Variants in ST3GAL3 observed in about 807,000 individuals in gnomAD.
ST3GAL3 encodes ST3 beta-galactoside alpha-2,3-sialyltransferase 3.
In ST3GAL3, 21 loss-of-function variants were observed where a neutral mutation model predicts 50.1. The ratio of observed to expected loss-of-function variants is 0.42; its 90% CI spans 0.30 to 0.60. The LOEUF (loss-of-function observed/expected upper bound fraction) is 0.60, where lower values mean the gene tolerates loss of function less well. Among genes scored for constraint, ST3GAL3 ranks in the 20% least tolerant of loss-of-function variants. The pLI is 0.19. For missense variants in ST3GAL3, 353 were observed against 489.4 expected, an observed-to-expected ratio of 0.72 and a Z score of 2.63; for synonymous variants, 183 against 190.0, an observed-to-expected ratio of 0.96 and a Z score of 0.30.
chr1:43,895,907 G>A (rs2077324768), intron 6 of ST3GAL3, among the ~76,000 whole-genome samples: 1 of 152,184 alleles, frequency 6.6e-6, no homozygotes. Context: ...CTGCTAATGT[G>A]TGCTCTTTCT....
intron 4 of ST3GAL3, among the ~76,000 whole-genome samples, chr1:43,816,820 C>T (rs1035255831): frequency 1.3e-5 from 2 of 152,200 alleles, no homozygotes; most frequent in African/African-American, 4.8e-5. Flanking sequence ...TTTGATTTAA[C>T]TCACAATCTA....
At chr1:43,923,319 C>T (rs2083382355) in intron 11 of ST3GAL3, among the ~76,000 whole-genome samples, 1 of 150,784 alleles carries the variant, frequency 6.6e-6, no homozygotes, top group Non-Finnish European at 1.5e-5. Flanking sequence ...GCCTTCTCTT[C>T]TCACTCTGCA....
intron 5 of ST3GAL3, among the ~76,000 whole-genome samples, chr1:43,856,711 C>G (rs1414648420): frequency 1.3e-5 from 2 of 152,178 alleles, no homozygotes; most frequent in Non-Finnish European, 2.9e-5. Flanking sequence ...TCTCTGCCCA[C>G]CAATTTTTTT....
chr1:43,815,216 G>C (rs1170311290), intron 4 of ST3GAL3, among the ~76,000 whole-genome samples: 1 of 152,164 alleles, frequency 6.6e-6, no homozygotes, highest in African/African-American at 2.4e-5. Flanking sequence ...GAGTCTCCTG[G>C]AAAGGCTTCT....
intron 9 of ST3GAL3, 124 bp from the exon 10 acceptor site, chr1:43,920,280 C>T: frequency 8.4e-7 from 1 of 1,187,868 alleles, no homozygotes; most frequent in Non-Finnish European, 1.2e-6. Context: ...CACCACAGGC[C>T]CTGGGTTCCC....
At chr1:43,891,862 G>A (rs566065941) in intron 5 of ST3GAL3, among the ~76,000 whole-genome samples, 33 of 152,328 alleles carry the variant, frequency 2.2e-4, no homozygotes, top group African/African-American at 7.0e-4. Flanking sequence ...GGATCTAGGC[G>A]GTGATCCTCA....
At chr1:43,814,862 C>T (rs2061041757) in intron 3 of ST3GAL3, 29 bp from the exon 4 acceptor site, 1 of 1,613,300 alleles carries the variant, frequency 6.2e-7, no homozygotes, top group South Asian at 1.1e-5. Context: ...GACTTGACTT[C>T]AGTGACATTT....
At chr1:43,729,574 A>G (rs1040706418) in intron 1 of ST3GAL3, among the ~76,000 whole-genome samples, 2 of 152,104 alleles carry the variant, frequency 1.3e-5, no homozygotes, top group Non-Finnish European at 2.9e-5. Context: ...GACCCCTCAC[A>G]TGGACTAATG....
chr1:43,824,549 A>G (rs578094885), intron 4 of ST3GAL3, among the ~76,000 whole-genome samples: 1 of 152,306 alleles, frequency 6.6e-6, no homozygotes, highest in East Asian at 1.9e-4. Flanking sequence ...TGTCTCTTCT[A>G]TAGCTAGCAC....
intron 2 of ST3GAL3, among the ~76,000 whole-genome samples, chr1:43,786,422 A>G (rs2057347724): frequency 2.6e-5 from 4 of 152,026 alleles, no homozygotes; most frequent in Admixed American, 2.6e-4. Context: ...TCTTCTTTAG[A>G]TGTAGCAGGG....
intron 5 of ST3GAL3, among the ~76,000 whole-genome samples, chr1:43,863,709 A>G (rs1186696784): frequency 1.3e-5 from 2 of 152,182 alleles, no homozygotes; most frequent in Non-Finnish European, 2.9e-5. Flanking sequence ...TAATCCTGGG[A>G]GACCCCACAG....
chr1:43,907,172 G>A (rs990852343), intron 9 of ST3GAL3, among the ~76,000 whole-genome samples: 13 of 152,172 alleles, frequency 8.5e-5, no homozygotes, highest in Non-Finnish European at 1.9e-4. Flanking sequence ...CAGTAGAGCC[G>A]CATTTTGGAC....
chr1:43,770,833 G>A (rs1572524085), intron 2 of ST3GAL3, among the ~76,000 whole-genome samples: 2 of 152,204 alleles, frequency 1.3e-5, no homozygotes, highest in South Asian at 2.1e-4. Flanking sequence ...ACTTTGCCAA[G>A]TACCCAGGAT....
At chr1:43,759,758 C>A (rs1572286697) in intron 2 of ST3GAL3, among the ~76,000 whole-genome samples, 1 of 152,322 alleles carries the variant, frequency 6.6e-6, no homozygotes, top group East Asian at 1.9e-4. Context: ...CATTATATTT[C>A]TCACTGCCAC....
At chr1:43,786,583 G>C (rs1392876438) in intron 2 of ST3GAL3, among the ~76,000 whole-genome samples, 1 of 152,064 alleles carries the variant, frequency 6.6e-6, no homozygotes, top group Non-Finnish European at 1.5e-5. Flanking sequence ...TCTACCCTTG[G>C]TCTCCGTTAC....
intron 2 of ST3GAL3, among the ~76,000 whole-genome samples, chr1:43,756,100 CAAAAAAAAA>C (rs139101819): frequency 1.4e-5 from 1 of 72,142 alleles, no homozygotes; most frequent in Non-Finnish European, 2.3e-5. Flanking sequence ...GAACCAGTCT[CAAAAAAAAA>C]AAAAAAAAAG....
intron 5 of ST3GAL3, among the ~76,000 whole-genome samples, chr1:43,887,095 C>A (rs987199718): frequency 3.9e-5 from 6 of 152,058 alleles, no homozygotes; most frequent in Admixed American, 3.3e-4. Context: ...AGAAAAGATA[C>A]CTGCTTAAAG....
At chr1:43,770,372 A>G (rs1185938266) in intron 2 of ST3GAL3, among the ~76,000 whole-genome samples, 2 of 152,108 alleles carry the variant, frequency 1.3e-5, no homozygotes, top group Non-Finnish European at 2.9e-5. Context: ...CACAAACAGA[A>G]CAGATTTTAA....
In ST3GAL3 at chr1:43,899,807, A is replaced by G. The variant is rs1455023899; in HGVS notation, c.744+80A>G. The G allele has an allele frequency of 7.4e-7, 1 of 1,355,658 alleles. No homozygotes were observed. Among genetic ancestry groups the G allele is most frequent in the African/African-American group, 1.4e-5 (1 of 69,624 alleles). The allele number at this position is 1,355,658 out of a possible 1,614,324, so 84.0% of individuals were successfully genotyped here. ...CTAAGCAATCCCGCCCCTTGAATGC[A>G]GCAAAGAACGAGTAAGAACCTTCAA... is the stretch of plus-strand genomic sequence containing the variant. On this transcript the variant is annotated intron_variant, in intron 9 of 11. Transcript: ENST00000347631. The surrounding 1 kb of genome is among the most constrained non-coding windows in gnomAD (Gnocchi z 5.4).
Sources: allele counts gnomAD v4.1 joint callset (sites outside exome capture counted in the v4.1 genomes callset), GRCh38; gene constraint gnomAD v4.1.1; non-coding constraint Gnocchi (gnomAD v3.1); transcripts MANE v1.5; gene names NCBI Gene and HGNC (gene_info 2026-07-23, HGNC 2026-07-21).